Variants in PTGDR2 observed in about 807,000 individuals in gnomAD.
The protein encoded by PTGDR2 is prostaglandin D2 receptor 2.
For missense variants in PTGDR2, 544 were observed against 576.6 expected (o/e 0.94, Z 0.58); for synonymous variants, 276 against 278.4 (o/e 0.99, Z 0.09).
rs1195701990 is a variant in PTGDR2, at chr11:60,852,427, C to T, written c.*108G>A. 3 of 1,001,890 alleles carry T rather than the reference C, an allele frequency of 3.0e-6. No homozygotes were observed. The highest frequency in any genetic ancestry group is 7.2e-4 in the Middle Eastern group (2 of 2,786). 62.1% of individuals were successfully genotyped at this position (1,001,890 alleles called of 1,614,324 possible). ...CGCTTTAAAATGCAGGTGCCTGGGT[C>T]CCGCCCCTCGGACTTTGATCACTGC... On this transcript the variant is annotated 3_prime_UTR_variant, in exon 2 of 2. Coordinates refer to ENST00000332539, the MANE Select transcript of PTGDR2 (RefSeq NM_004778.3).
chr11:60,852,640 C>T lies in PTGDR2; in HGVS notation c.1083G>A (p.Glu361=). 7.5e-6 allele frequency: 10 copies of T among 1,339,088 alleles called. No homozygotes were observed. The highest frequency in any genetic ancestry group is 3.9e-5 in the Admixed American group (1 of 25,858). 83.0% of individuals were successfully genotyped at this position (1,339,088 alleles called of 1,614,324 possible). A position where few individuals can be genotyped will look rare whatever the true frequency, so the allele number is the denominator to read the frequency against. ...ASPLALCSRP[E]EPRGPARLLG... ...GGAGACGCGCGGGGCCCCGCGGTTCCTCCGGGCGGCTGCAGAGAGCTAAAG... is the reference window on the plus strand; with the variant it reads ...GGAGACGCGCGGGGCCCCGCGGTTCTTCCGGGCGGCTGCAGAGAGCTAAAG... The change falls in exon 2 of 2, where the codon GAG becomes GAA. Residue 361 remains glutamate, a synonymous_variant. Coordinates refer to ENST00000332539, the MANE Select transcript of PTGDR2 (RefSeq NM_004778.3).
rs1237372931 is a variant in PTGDR2 at position 60,853,612 on chromosome 11, C to T, written c.111G>A (p.Leu37=). The change falls in exon 2 of 2, where the codon CTG becomes CTA. Residue 37 remains leucine, a synonymous_variant. Coordinates refer to ENST00000332539, the MANE Select transcript of PTGDR2 (RefSeq NM_004778.3). The part of the protein sequence containing the change: ...SIRYIDHAAV[L]LHGLASLLGL... Reference sequence around the variant, plus strand: ...CCAGCAGCGAGGCCAGCCCGTGCAGCAGCACGGCCGCGTGGTCGATGTAGC... The same window carrying T: ...CCAGCAGCGAGGCCAGCCCGTGCAGTAGCACGGCCGCGTGGTCGATGTAGC... 1.3e-6 allele frequency: 2 copies of T among 1,556,556 alleles called. No individual in the cohort carries two copies. The highest frequency in any genetic ancestry group is 1.7e-6 in the Non-Finnish European group (2 of 1,149,688).
At position 60,852,199 on chromosome 11, in the gene PTGDR2, G is replaced by A; in HGVS notation, c.*336C>T. Reference sequence around the variant, plus strand: ...AAGTCTATTATGAGTTTCACTTTGTGTTACTCCAGGCCTCGCCTGTGAACC... The same window carrying A: ...AAGTCTATTATGAGTTTCACTTTGTATTACTCCAGGCCTCGCCTGTGAACC... On this transcript the variant is annotated 3_prime_UTR_variant, in exon 2 of 2. Transcript: ENST00000332539. 3.4e-6 allele frequency: 1 copy of A among 292,786 alleles called. No homozygotes were observed. Among genetic ancestry groups the A allele is most frequent in the East Asian group, 5.6e-5 (1 of 17,984 alleles). The allele number at this position is 292,786 out of a possible 1,614,324, so 18.1% of individuals were successfully genotyped here.
In PTGDR2 at chr11:60,853,542, T is replaced by C; in HGVS notation, c.181A>G (p.Met61Val). 6.4e-7 allele frequency: 1 copy of C among 1,556,368 alleles called. No individual in the cohort carries two copies. Among genetic ancestry groups the C allele is most frequent in the Non-Finnish European group, 8.7e-7 (1 of 1,149,620 alleles). ...GVILFVVGCR[M>V]RQTVVTTWVL... ...CAGGTGGTGACCACGGTCTGGCGCATGCGGCAGCCCACCACGAAGAGGATG... is the reference window on the plus strand; with the variant it reads ...CAGGTGGTGACCACGGTCTGGCGCACGCGGCAGCCCACCACGAAGAGGATG... Residue 61 changes from methionine to valine, a missense_variant, in exon 2 of 2, where the codon ATG becomes GTG. Physicochemically the swap from Met to Val is conservative, Grantham distance 21. Coordinates refer to ENST00000332539, the MANE Select transcript of PTGDR2 (RefSeq NM_004778.3).
At chr11:60,855,015 A>G (rs1034461536) in intron 1 of PTGDR2, among the ~76,000 whole-genome samples, 4 of 152,204 alleles carry the variant, frequency 2.6e-5, no homozygotes, top group African/African-American at 9.6e-5. Flanking sequence ...ACTCCCTTCC[A>G]GAGACCACAG....
At chr11:60,854,134 T>A (rs1414961573) in intron 1 of PTGDR2, among the ~76,000 whole-genome samples, 1 of 152,200 alleles carries the variant, frequency 6.6e-6, no homozygotes, top group Non-Finnish European at 1.5e-5. Context: ...GGACTCCTTT[T>A]TCCCATCCCC....
rs1224137156 is a variant in PTGDR2, at chr11:60,852,947, C to G, written c.776G>C (p.Trp259Ser). ...AAVVAAFALCWGPYHVFSLLE... is the reference protein window; with the variant it reads ...AAVVAAFALCSGPYHVFSLLE... ...CAGGCTGAACACGTGGTAGGGCCCC[C>G]AGCAGAGCGCGAAGGCGGCCACGAC... Residue 259 changes from tryptophan to serine, a missense_variant, in exon 2 of 2, where the codon TGG becomes TCG. Trp to Ser is a radical substitution (Grantham distance 177). Coordinates refer to ENST00000332539, the MANE Select transcript of PTGDR2 (RefSeq NM_004778.3). The G allele has an allele frequency of 6.9e-7, 1 of 1,456,846 alleles. No individual in the cohort carries two copies. The highest frequency in any genetic ancestry group is 9.1e-7 in the Non-Finnish European group (1 of 1,101,566). 90.2% of individuals were successfully genotyped at this position (1,456,846 alleles called of 1,614,324 possible).
rs140107997 is a variant in PTGDR2, at chr11:60,853,667, C to T, written c.56G>A (p.Arg19His). Residue 19 changes from arginine (R) to histidine (H), a missense_variant, in exon 2 of 2, where the codon CGT (arginine) becomes CAT (histidine). Physicochemically the swap from Arg to His is conservative, Grantham distance 29. Transcript: ENST00000332539. ...GCTGGTGTTGCTGTGGCTCTGGAGA[C>T]GGCTCATCTGCTCCAGGATGGGGCA... Reference protein sequence around the residue: ...PLCPILEQMSRLQSHSNTSIR... With the variant: ...PLCPILEQMSHLQSHSNTSIR... 4 of 1,558,394 alleles carry T rather than the reference C, an allele frequency of 2.6e-6. No homozygotes were observed. The highest frequency in any genetic ancestry group is 1.2e-5 in the South Asian group (1 of 84,636).
In PTGDR2 at chr11:60,853,112, A is replaced by G. The variant is rs2467642; in HGVS notation, c.611T>C (p.Val204Ala). The change falls in exon 2 of 2, where the codon GTG becomes GCG. Residue 204 changes from valine (V) to alanine (A), a missense_variant. Val to Ala is a moderately conservative substitution (Grantham distance 64). Transcript: ENST00000332539. ...DRDATCNSRQ[V>A]ALAVSKFLLA... ...CAGGAACTTGCTGACGGCCAGGGCCACCTGCCGCGAGTTGCACGTGGCATC... is the reference window on the plus strand; with the variant it reads ...CAGGAACTTGCTGACGGCCAGGGCCGCCTGCCGCGAGTTGCACGTGGCATC... The G allele has an allele frequency of 1, 1,600,686 of 1,604,566 alleles. 798,472 individuals carry two copies. The highest frequency in any genetic ancestry group is 1 in the East Asian group (44,792 of 44,792).
In PTGDR2 at chr11:60,852,835, G is replaced by A; in HGVS notation, c.888C>T (p.Asn296=). 1.3e-6 allele frequency: 2 copies of A among 1,558,554 alleles called. No homozygotes were observed. Among genetic ancestry groups the A allele is most frequent in the Non-Finnish European group, 1.7e-6 (2 of 1,152,640 alleles). Reference sequence around the variant, plus strand: ...CGTAGAGCACCGGGTTGGCCACGCTGTTGAAGAAGGCCAGGCTGGTGACGA... The same window carrying A: ...CGTAGAGCACCGGGTTGGCCACGCTATTGAAGAAGGCCAGGCTGGTGACGA... ...LPFVTSLAFF[N]SVANPVLYVL... Residue 296 remains asparagine (N), a synonymous_variant, in exon 2 of 2, where the codon AAC becomes AAT. Transcript: ENST00000332539.
intron 1 of PTGDR2, among the ~76,000 whole-genome samples, chr11:60,854,916 G>C (rs1205759241): frequency 6.6e-6 from 1 of 152,210 alleles, no homozygotes; most frequent in Non-Finnish European, 1.5e-5. Context: ...AGAGGATGGA[G>C]GAGGAGGAAG....
intron 1 of PTGDR2, 39 bp from the exon 2 acceptor site, chr11:60,853,770 A>G: frequency 1.4e-6 from 2 of 1,467,186 alleles, no homozygotes; most frequent in Non-Finnish European, 9.1e-7. Flanking sequence ...TTGGAAGTGC[A>G]GAGGCCACCG....
Position 60,853,668 on chromosome 11 carries a change from G to A in PTGDR2, c.55C>T (p.Arg19Cys). 6.4e-7 allele frequency: 1 copy of A among 1,558,360 alleles called. No individual in the cohort carries two copies. Among genetic ancestry groups the A allele is most frequent in the Non-Finnish European group, 8.7e-7 (1 of 1,151,380 alleles). Residue 19 changes from arginine to cysteine, a missense_variant, in exon 2 of 2, where the codon CGT (arginine) becomes TGT (cysteine). Coordinates refer to ENST00000332539, the MANE Select transcript of PTGDR2 (RefSeq NM_004778.3). Reference protein sequence around the residue: ...PLCPILEQMSRLQSHSNTSIR... With the variant: ...PLCPILEQMSCLQSHSNTSIR... ...CTGGTGTTGCTGTGGCTCTGGAGACGGCTCATCTGCTCCAGGATGGGGCAG... is the reference window on the plus strand; with the variant it reads ...CTGGTGTTGCTGTGGCTCTGGAGACAGCTCATCTGCTCCAGGATGGGGCAG...
rs756514998 is a variant in PTGDR2, at chr11:60,853,861, TG to T, written c.-9-131del. On this transcript the variant is annotated intron_variant, in intron 1 of 1. Coordinates refer to ENST00000332539, the MANE Select transcript of PTGDR2 (RefSeq NM_004778.3). Reference sequence around the variant, plus strand: ...CCACGAATATATTGGGCGGTGGGGGTGGGGGGAATAATATCCCAGCATTGCT... The same window carrying T: ...CCACGAATATATTGGGCGGTGGGGGTGGGGGAATAATATCCCAGCATTGCT... The T allele has an allele frequency of 1.7e-5, 11 of 655,110 alleles. No homozygotes were observed. The East Asian group carries it at 1.7e-4, about 10-fold the overall frequency. 40.6% of individuals were successfully genotyped at this position (655,110 alleles called of 1,614,324 possible).
Position 60,852,887 on chromosome 11 carries a change from CG to C in PTGDR2, c.835del (p.Arg279GlyfsTer76). Reference sequence around the variant, plus strand: ...GGGCAGCCCGCGCCACACGAGCGGCCGCAGCCCCGGGTTTGCGTGCGCCCGC... The same window carrying C: ...GGGCAGCCCGCGCCACACGAGCGGCCCAGCCCCGGGTTTGCGTGCGCCCGC... ...EARAHANPGLRPLVWRGLPFV... is the reference protein window; with the variant it reads ...EARAHANPGLXPLVWRGLPFV... On this transcript the variant is annotated frameshift_variant, in exon 2 of 2. Transcript: ENST00000332539. LOFTEE classifies it low-confidence loss of function (END_TRUNC). 1 of 1,536,830 alleles carries C rather than the reference CG, an allele frequency of 6.5e-7. No individual in the cohort carries two copies.
In PTGDR2 at chr11:60,853,343, A is replaced by G. The variant is rs1311123631; in HGVS notation, c.380T>C (p.Leu127Pro). 2.5e-6 allele frequency: 4 copies of G among 1,609,476 alleles called. No homozygotes were observed. Among genetic ancestry groups the G allele is most frequent in the Non-Finnish European group, 3.4e-6 (4 of 1,178,344 alleles). The change falls in exon 2 of 2, where the codon CTG becomes CCG. Residue 127 changes from leucine to proline, a missense_variant. Coordinates refer to ENST00000332539, the MANE Select transcript of PTGDR2 (RefSeq NM_004778.3). Reference sequence around the variant, plus strand: ...CCGCACCACCTGCAGGCAGCGGTCCAGGCTGATGGCGCTGAGCAGGAAGCC... The same window carrying G: ...CCGCACCACCTGCAGGCAGCGGTCCGGGCTGATGGCGCTGAGCAGGAAGCC... ...ASGFLLSAIS[L>P]DRCLQVVRPV... is the part of the protein sequence containing the mutation.
rs536526070 is a variant in PTGDR2 at position 60,852,886 on chromosome 11, C to T, written c.837G>A (p.Arg279=). Residue 279 remains arginine (R), a synonymous_variant, in exon 2 of 2, where the codon CGG becomes CGA. Coordinates refer to ENST00000332539, the MANE Select transcript of PTGDR2 (RefSeq NM_004778.3). ...EARAHANPGL[R]PLVWRGLPFV... is the part of the protein sequence containing the mutation. ...AGGGCAGCCCGCGCCACACGAGCGG[C>T]CGCAGCCCCGGGTTTGCGTGCGCCC... The T allele has an allele frequency of 9.1e-6, 14 of 1,536,844 alleles. No homozygotes were observed. The highest frequency in any genetic ancestry group is 2.0e-5 in the Admixed American group (1 of 50,066).
Position 60,853,501 on chromosome 11 carries a change from C to T in PTGDR2, c.222G>A (p.Ala74=), listed in dbSNP as rs1487250986. The T allele has an allele frequency of 9.0e-6, 14 of 1,561,058 alleles. No homozygotes were observed. Among genetic ancestry groups the T allele is most frequent in the South Asian group, 1.2e-5 (1 of 84,708 alleles). ...AAGCAGAGGCCAACAGGTCGGACAGCGCCAGGTGCAGCACCCAGGTGGTGA... is the reference window on the plus strand; with the variant it reads ...AAGCAGAGGCCAACAGGTCGGACAGTGCCAGGTGCAGCACCCAGGTGGTGA... ...TVVTTWVLHL[A]LSDLLASASL... is the part of the protein sequence containing the mutation. The change falls in exon 2 of 2, where the codon GCG becomes GCA. Residue 74 remains alanine (A), a synonymous_variant. Transcript: ENST00000332539.
rs556535305 is a variant in PTGDR2 at position 60,853,502 on chromosome 11, G to T, written c.221C>A (p.Ala74Glu). ...TVVTTWVLHLALSDLLASASL... is the reference protein window; with the variant it reads ...TVVTTWVLHLELSDLLASASL... ...AGCAGAGGCCAACAGGTCGGACAGC[G>T]CCAGGTGCAGCACCCAGGTGGTGAC... The change falls in exon 2 of 2, where the codon GCG becomes GAG. Residue 74 changes from alanine to glutamate, a missense_variant. By Grantham distance (107) the Ala-to-Glu change is moderately radical. Coordinates refer to ENST00000332539, the MANE Select transcript of PTGDR2 (RefSeq NM_004778.3). The T allele has an allele frequency of 7.0e-6, 11 of 1,560,286 alleles. No individual in the cohort carries two copies. The highest frequency in any genetic ancestry group is 9.6e-6 in the Non-Finnish European group (11 of 1,151,784).
Sources: allele counts gnomAD v4.1 joint callset (sites outside exome capture counted in the v4.1 genomes callset), GRCh38; gene constraint gnomAD v4.1.1; transcripts MANE v1.5; gene names NCBI Gene and HGNC (gene_info 2026-07-23, HGNC 2026-07-21).